Variants in GRM8 observed in about 807,000 individuals in gnomAD.
GRM8 encodes glutamate metabotropic receptor 8.
In GRM8, 47 loss-of-function variants were observed where a neutral mutation model predicts 87.2. That is an observed-to-expected ratio of 0.54 (90% CI 0.43 to 0.69). The LOEUF (loss-of-function observed/expected upper bound fraction) is 0.69, where lower values mean the gene tolerates loss of function less well. Among genes scored for constraint, GRM8 ranks in the 30% least tolerant of loss-of-function variants. The probability of loss-of-function intolerance (pLI) is 0.00; values close to 1 mark genes in which losing one functional copy is unlikely to be tolerated. For missense variants in GRM8, 1,019 were observed against 1,139.2 expected, an observed-to-expected ratio of 0.89 and a Z score of 1.52; for synonymous variants, 396 against 404.5, an observed-to-expected ratio of 0.98 and a Z score of 0.25.
Position 126,724,298 on chromosome 7 carries a change from T to C in GRM8, c.1357+45567A>G, listed in dbSNP as rs187962952. Among the ~76,000 whole-genome samples the C allele has an allele frequency of 6.6e-5, 10 of 152,306 alleles. No homozygotes were observed. In the East Asian group the frequency reaches 1.9e-3, roughly 29 times the overall value. ...TTCTGCCAATAAAATGCAAGAAGTG[T>C]TGCATGACAATTCCAAATCTGGCTC... On this transcript the variant is annotated intron_variant, in intron 7 of 10. Coordinates refer to ENST00000339582, the MANE Select transcript of GRM8 (RefSeq NM_000845.3).
intron 2 of GRM8, among the ~76,000 whole-genome samples, chr7:127,232,183 T>TTGTGTTTG (rs1481997456): frequency 5.4e-5 from 7 of 129,844 alleles, no homozygotes; most frequent in Admixed American, 1.6e-4. Flanking sequence ...TGTTTCTTCT[T>TTGTGTTTG]TGTGTGTGTG....
chr7:126,532,999 A>G lies in GRM8; in HGVS notation c.2383T>C (p.Leu795=), dbSNP rs1815096336. The G allele has an allele frequency of 6.2e-7, 1 of 1,613,352 alleles. No individual in the cohort carries two copies. The highest frequency in any genetic ancestry group is 1.7e-5 in the Admixed American group (1 of 59,940). The change falls in exon 9 of 11, where the codon TTA becomes CTA. Residue 795 remains leucine, a synonymous_variant. Transcript: ENST00000339582. ...CCAAAAAAGATGGGGATGAAAGCTA[A>G]CCAAATGATGCAGGTGGTATACATG... ...FTMYTTCIIW[L]AFIPIFFGTA...
At chr7:126,477,953 C>T (rs547252273) in intron 9 of GRM8, among the ~76,000 whole-genome samples, 30 of 152,110 alleles carry the variant, frequency 2.0e-4, no homozygotes, top group Non-Finnish European at 4.1e-4. Context: ...CTGATGGCTC[C>T]AAGCATTCCT....
chr7:127,109,975 G>GTT (rs1332951405), intron 2 of GRM8, among the ~76,000 whole-genome samples: 1 of 152,024 alleles, frequency 6.6e-6, no homozygotes, highest in African/African-American at 2.4e-5. Context: ...AGTTTGTCCC[G>GTT]GAGGCACTAG....
intron 7 of GRM8, among the ~76,000 whole-genome samples, chr7:126,637,672 T>C (rs144324190): frequency 6.6e-6 from 1 of 152,274 alleles, no homozygotes; most frequent in African/African-American, 2.4e-5. Context: ...TAGCCTGTTG[T>C]GTAGGCCAAA....
At chr7:126,791,337 T>A (rs897959919) in intron 6 of GRM8, among the ~76,000 whole-genome samples, 3 of 152,252 alleles carry the variant, frequency 2.0e-5, no homozygotes, top group Admixed American at 1.3e-4. Context: ...AACACAGACC[T>A]TCTTTCAGAG....
At chr7:127,236,136 AT>A (rs957058663) in intron 2 of GRM8, among the ~76,000 whole-genome samples, 3 of 151,926 alleles carry the variant, frequency 2.0e-5, no homozygotes, top group East Asian at 3.9e-4. Context: ...ATCATCTCAC[AT>A]TTTTTTTGGT....
chr7:126,999,702 G>T (rs1389139694), intron 3 of GRM8, among the ~76,000 whole-genome samples: 1 of 151,730 alleles, frequency 6.6e-6, no homozygotes, highest in Non-Finnish European at 1.5e-5. Flanking sequence ...TCTCACACCA[G>T]TTAAAGTGGC....
chr7:126,681,620 C>G (rs1016735709), intron 7 of GRM8, among the ~76,000 whole-genome samples: 2 of 152,204 alleles, frequency 1.3e-5, no homozygotes, highest in Non-Finnish European at 2.9e-5. Flanking sequence ...GAATCAATCA[C>G]CAGTGACAGA....
At chr7:126,921,088 AC>A (rs1166410938) in intron 3 of GRM8, among the ~76,000 whole-genome samples, 8 of 152,138 alleles carry the variant, frequency 5.3e-5, no homozygotes, top group African/African-American at 4.8e-5. Flanking sequence ...AAAGTCAGGA[AC>A]CAAAGCAAAC....
chr7:126,678,233 A>G (rs142737638), intron 7 of GRM8, among the ~76,000 whole-genome samples: 2 of 152,222 alleles, frequency 1.3e-5, no homozygotes, highest in African/African-American at 2.4e-5. Context: ...CTAAAAAAAG[A>G]CACTTCCACT....
chr7:127,114,950 A>G (rs1826610544), intron 2 of GRM8, among the ~76,000 whole-genome samples: 1 of 152,114 alleles, frequency 6.6e-6, no homozygotes, highest in Non-Finnish European at 1.5e-5. Context: ...GAAAGCCACA[A>G]CCTAGAAGGA....
intron 6 of GRM8, among the ~76,000 whole-genome samples, chr7:126,844,745 A>AG (rs1389897872): frequency 3.9e-5 from 6 of 152,204 alleles, no homozygotes; most frequent in African/African-American, 9.6e-5. Flanking sequence ...GTGTGCTCAC[A>AG]TGGCATTTCC....
chr7:127,108,416 A>G (rs1402050046), intron 2 of GRM8, among the ~76,000 whole-genome samples: 1 of 152,174 alleles, frequency 6.6e-6, no homozygotes, highest in East Asian at 1.9e-4. Flanking sequence ...TTCACTTTAG[A>G]AGAAATTATA....
chr7:127,063,684 G>A (rs1820839563), intron 3 of GRM8, among the ~76,000 whole-genome samples: 2 of 152,048 alleles, frequency 1.3e-5, no homozygotes, highest in Admixed American at 6.5e-5. Flanking sequence ...TGCTAGCTTT[G>A]GGGTGGATTT....
chr7:127,209,242 G>A (rs1796079719), intron 2 of GRM8, among the ~76,000 whole-genome samples: 1 of 152,168 alleles, frequency 6.6e-6, no homozygotes, highest in Admixed American at 6.5e-5. Context: ...ACTGGATAAG[G>A]AGCAGGGATA....
chr7:126,653,174 A>G (rs1804112394), intron 7 of GRM8, among the ~76,000 whole-genome samples: 1 of 151,966 alleles, frequency 6.6e-6, no homozygotes, highest in African/African-American at 2.4e-5. Context: ...GTGTTGGTAC[A>G]TGCCTGTAGT....
At chr7:126,789,867 A>C (rs1244287249) in intron 6 of GRM8, among the ~76,000 whole-genome samples, 2 of 152,220 alleles carry the variant, frequency 1.3e-5, no homozygotes, top group Non-Finnish European at 2.9e-5. Flanking sequence ...ATATATCTGG[A>C]AAAGGAGAAC....
chr7:126,895,212 G>A (rs1353615124), intron 6 of GRM8, among the ~76,000 whole-genome samples: 1 of 152,018 alleles, frequency 6.6e-6, no homozygotes, highest in African/African-American at 2.4e-5. Flanking sequence ...GCTACTGATT[G>A]CATGTTTTTG....
Sources: gnomAD v4.1 joint callset for allele counts (sites outside exome capture counted in the v4.1 genomes callset) on GRCh38, gnomAD v4.1.1 for gene constraint, MANE v1.5 for transcripts, NCBI Gene and HGNC (gene_info 2026-07-23, HGNC 2026-07-21) for gene names.